PCDHA8: variants seen among roughly 807,000 people sequenced by gnomAD.
The protein encoded by PCDHA8 is protocadherin alpha-8.
A neutral mutation model predicts 61.8 loss-of-function variants in PCDHA8; 53 were observed. The observed-to-expected ratio is 0.86, with a 90% CI of 0.69 to 1.08. The LOEUF (loss-of-function observed/expected upper bound fraction) is 1.08, where lower values mean the gene tolerates loss of function less well. PCDHA8 is among the 50% of genes least tolerant of loss of function. The probability of loss-of-function intolerance (pLI) is 0.00; values close to 1 mark genes in which losing one functional copy is unlikely to be tolerated. For missense variants in PCDHA8, 1,293 were observed against 1,245.0 expected, an observed-to-expected ratio of 1.04 and a Z score of -0.58; for synonymous variants, 618 against 556.6, an observed-to-expected ratio of 1.11 and a Z score of -1.55.
At chr5:140,865,421 T>C (rs2048870756) in intron 1 of PCDHA8, 1 of 152,208 alleles carries the variant, frequency 6.6e-6, no homozygotes, top group Non-Finnish European at 1.5e-5. Context: ...TAGTAGTGTC[T>C]ACCTAGAAAA....
At chr5:141,006,644 T>C (rs1411431797) in intron 3 of PCDHA8, among the ~76,000 whole-genome samples, 3 of 152,084 alleles carry the variant, frequency 2.0e-5, no homozygotes, top group African/African-American at 7.2e-5. Context: ...ATATAAGAGA[T>C]GATGGTGTCC....
In PCDHA8 at chr5:140,842,752, G is replaced by A; in HGVS notation, c.1431G>A (p.Val477=). The A allele has an allele frequency of 8.2e-6, 13 of 1,595,020 alleles. 2 individuals are homozygous for A. The highest frequency in any genetic ancestry group is 1.1e-5 in the Non-Finnish European group (13 of 1,165,472). ...CGCCGGGCTGCCACATCTTCACGGT[G>A]TCTGCGCGAGACGCGGACGCGCAGG... ...NNPPGCHIFT[V]SARDADAQEN... is the part of the protein sequence containing the mutation. Residue 477 remains valine, a synonymous_variant, in exon 1 of 4, where the codon GTG becomes GTA. Transcript: ENST00000531613.
At chr5:140,974,083 T>C (rs1345131685) in intron 1 of PCDHA8, among the ~76,000 whole-genome samples, 1 of 152,236 alleles carries the variant, frequency 6.6e-6, no homozygotes, top group Non-Finnish European at 1.5e-5. Flanking sequence ...AACCATGACT[T>C]CAAAAATCAA....
chr5:140,866,646 A>G (rs2049474250), intron 1 of PCDHA8: 1 of 152,112 alleles, frequency 6.6e-6, no homozygotes, highest in Admixed American at 6.5e-5. Context: ...GTCAAAATTT[A>G]TTTATGTGTT....
At chr5:140,897,443 G>T (rs533610542) in intron 1 of PCDHA8, among the ~76,000 whole-genome samples, 75 of 150,100 alleles carry the variant, frequency 5.0e-4, no homozygotes, top group Middle Eastern at 3.5e-3. Flanking sequence ...GCAGTGTTTG[G>T]TTTTTTGTCC....
intron 1 of PCDHA8, chr5:140,967,594 G>A: frequency 6.2e-7 from 1 of 1,614,142 alleles, no homozygotes; most frequent in Non-Finnish European, 8.5e-7. Flanking sequence ...GCACATTGGT[G>A]GTGAAGCTGA....
intron 1 of PCDHA8, chr5:140,969,495 C>A: frequency 7.0e-7 from 1 of 1,437,888 alleles, no homozygotes; most frequent in South Asian, 1.5e-5. Flanking sequence ...TATTTCCTCT[C>A]TAGAAAAATA....
chr5:140,941,241 T>TTCTTTCTTTC (rs2092943774), intron 1 of PCDHA8, among the ~76,000 whole-genome samples: 1 of 140,458 alleles, frequency 7.1e-6, no homozygotes, highest in African/African-American at 2.7e-5. Flanking sequence ...CTTTCTTTCT[T>TTCTTTCTTTC]TCTTTCTTTC....
In PCDHA8 at chr5:140,870,728, C is replaced by G. The variant is rs531202250; in HGVS notation, c.2394+27013C>G. On this transcript the variant is annotated intron_variant, in intron 1 of 3. Transcript: ENST00000531613. Reference sequence around the variant, plus strand: ...GTGAGCGCGCGCGATGCGGGCGTGCCGCCTCTGAGCAGCAACGTGACGCTG... The same window carrying G: ...GTGAGCGCGCGCGATGCGGGCGTGCGGCCTCTGAGCAGCAACGTGACGCTG... The G allele has an allele frequency of 5.0e-6, 8 of 1,613,220 alleles. No individual in the cohort carries two copies. The East Asian group carries it at 6.7e-5, about 13-fold the overall frequency.
rs144770143 is a variant in PCDHA8 at position 140,947,157 on chromosome 5, G to A, written c.2395-31792G>A. Among the ~76,000 whole-genome samples the A allele has an allele frequency of 6.6e-3, 992 of 151,208 alleles. 6 individuals are homozygous for A. The highest frequency in any genetic ancestry group is 0.022 in the African/African-American group (913 of 41,346). ...TAAAATGTATAGTTACTTCCACGGG[G>A]TAGAAAATGTGGTATATATTCATGG... On this transcript the variant is annotated intron_variant, in intron 1 of 3. Transcript: ENST00000531613.
chr5:140,988,024 A>G (rs2153870091), intron 3 of PCDHA8, among the ~76,000 whole-genome samples: 1 of 152,316 alleles, frequency 6.6e-6, no homozygotes, highest in East Asian at 1.9e-4. Flanking sequence ...ATGATTCTTA[A>G]GTTTTTTAGA....
At chr5:140,854,066 G>A (rs1554146981) in intron 1 of PCDHA8, 1 of 273,774 alleles carries the variant, frequency 3.7e-6, no homozygotes, top group Non-Finnish European at 5.6e-6. Context: ...GGAGGCTGAG[G>A]CGAGAGAATC....
intron 1 of PCDHA8, chr5:140,849,014 C>T: frequency 1.3e-6 from 2 of 1,590,086 alleles, no homozygotes; most frequent in East Asian, 2.2e-5. Flanking sequence ...ACAGACTGAG[C>T]CCCAATGAGT....
In PCDHA8 at chr5:140,870,216, C is replaced by G. The variant is rs1554163914; in HGVS notation, c.2394+26501C>G. On this transcript the variant is annotated intron_variant, in intron 1 of 3. Transcript: ENST00000531613. Reference sequence around the variant, plus strand: ...AGCCCAGCACGGTCATTGCCCTGATCAGCGTGTCTGACCGTGACTCAGGTG... The same window carrying G: ...AGCCCAGCACGGTCATTGCCCTGATGAGCGTGTCTGACCGTGACTCAGGTG... 3 of 1,614,070 alleles carry G rather than the reference C, an allele frequency of 1.9e-6. No homozygotes were observed. Among genetic ancestry groups the G allele is most frequent in the Admixed American group, 3.3e-5 (2 of 60,012 alleles).
intron 1 of PCDHA8, chr5:140,870,518 A>G: frequency 6.2e-7 from 1 of 1,614,230 alleles, no homozygotes; most frequent in Admixed American, 1.7e-5. Context: ...CCAGGCTGCC[A>G]CATCTTCACA....
chr5:140,888,059 T>C (rs1562834280), intron 1 of PCDHA8, among the ~76,000 whole-genome samples: 1 of 152,232 alleles, frequency 6.6e-6, no homozygotes, highest in African/African-American at 2.4e-5. Context: ...TGTTTTAACT[T>C]TCTTGTCTGC....
chr5:140,945,829 A>G (rs1472344558), intron 1 of PCDHA8, among the ~76,000 whole-genome samples: 1 of 152,180 alleles, frequency 6.6e-6, no homozygotes, highest in Non-Finnish European at 1.5e-5. Flanking sequence ...ACAAAAGTCA[A>G]CTCAAAATGG....
chr5:140,967,955 A>C (rs1422637534), intron 1 of PCDHA8: 5 of 1,614,078 alleles, frequency 3.1e-6, no homozygotes, highest in Non-Finnish European at 4.2e-6. Flanking sequence ...CTCAGGCCCC[A>C]ACCGGAAAGT....
chr5:140,997,557 A>G lies in PCDHA8; in HGVS notation c.2543-12070A>G, dbSNP rs1392974918. On this transcript the variant is annotated intron_variant, in intron 3 of 3. Coordinates refer to ENST00000531613, the MANE Select transcript of PCDHA8 (RefSeq NM_018911.3). ...TACATTATTATAATCTTACAGGACA[A>G]CTGTCATATGTGTGGTCCGTTGTTG... is the stretch of plus-strand genomic sequence containing the variant. Among the ~76,000 whole-genome samples, 15 of 152,262 alleles carry G rather than the reference A, an allele frequency of 9.9e-5. No individual in the cohort carries two copies. In the South Asian group the frequency reaches 1.2e-3, roughly 13 times the overall value.
Sources: allele counts gnomAD v4.1 joint callset (sites outside exome capture counted in the v4.1 genomes callset), GRCh38; gene constraint gnomAD v4.1.1; transcripts MANE v1.5; gene names NCBI Gene and HGNC (gene_info 2026-07-23, HGNC 2026-07-21).